Variants in TMC5 observed in about 807,000 individuals in gnomAD.
TMC5 encodes the protein transmembrane channel-like protein 5.
Under a neutral mutation model 110.5 loss-of-function variants are expected in TMC5, and 86 were observed. The observed-to-expected ratio is 0.78, with a 90% CI of 0.65 to 0.93. The LOEUF (loss-of-function observed/expected upper bound fraction) is 0.93, where lower values mean the gene tolerates loss of function less well. Among genes scored for constraint, TMC5 ranks in the 40% least tolerant of loss-of-function variants. The pLI is 0.00. For synonymous variants in TMC5, 455 were observed against 439.5 expected (o/e 1.04, Z -0.44); for missense variants, 1,144 against 1,222.8 (o/e 0.94, Z 0.96).
chr16:19,498,025 T>A lies in TMC5; in HGVS notation c.*59T>A. The A allele has an allele frequency of 1.3e-6, 2 of 1,515,048 alleles. No homozygotes were observed. The highest frequency in any genetic ancestry group is 9.2e-7 in the Non-Finnish European group (1 of 1,089,408). 93.9% of individuals were successfully genotyped at this position (1,515,048 alleles called of 1,614,324 possible). ...AGGGGAGGAGACGAAAATGGAATGA[T>A]TTCTTCCATGCCACCTGTGCCTTTA... On this transcript the variant is annotated 3_prime_UTR_variant, in exon 22 of 22. Coordinates refer to ENST00000542583, the MANE Select transcript of TMC5 (RefSeq NM_001261841.2).
chr16:19,448,609 A>T (rs949884010), intron 4 of TMC5, among the ~76,000 whole-genome samples: 24 of 149,504 alleles, frequency 1.6e-4, no homozygotes, highest in African/African-American at 5.6e-4. Flanking sequence ...ACAGAGTGAG[A>T]ACCTGTCTTA....
At chr16:19,462,911 AAAG>A (rs1968063550) in intron 6 of TMC5, among the ~76,000 whole-genome samples, 1 of 151,754 alleles carries the variant, frequency 6.6e-6, no homozygotes, top group Non-Finnish European at 1.5e-5. Context: ...AAAAAAAAAA[AAAG>A]AAAAAGGAAG....
At chr16:19,448,480 A>G (rs956152692) in intron 4 of TMC5, among the ~76,000 whole-genome samples, 3 of 151,794 alleles carry the variant, frequency 2.0e-5, no homozygotes, top group Non-Finnish European at 4.4e-5. Flanking sequence ...TTAGCCAGGC[A>G]TGGTGGTGCA....
At chr16:19,418,944 G>A (rs1376646345) in intron 1 of TMC5, among the ~76,000 whole-genome samples, 1 of 152,130 alleles carries the variant, frequency 6.6e-6, no homozygotes, top group Admixed American at 6.5e-5. Context: ...GCCTAGGATG[G>A]TCTCAAACTC....
chr16:19,482,469 T>C (rs956116895), intron 15 of TMC5, among the ~76,000 whole-genome samples: 9 of 152,190 alleles, frequency 5.9e-5, no homozygotes, highest in African/African-American at 2.2e-4. Flanking sequence ...CACCTAAATT[T>C]CTGGCTTCTC....
chr16:19,473,771 G>A (rs1298939572), intron 11 of TMC5, among the ~76,000 whole-genome samples: 2 of 152,098 alleles, frequency 1.3e-5, no homozygotes, highest in Non-Finnish European at 2.9e-5. Flanking sequence ...CCTGAGGTCG[G>A]GAGTTAGAGA....
At chr16:19,463,662 C>T in intron 7 of TMC5, 114 bp from the exon 8 acceptor site, 3 of 1,270,932 alleles carry the variant, frequency 2.4e-6, no homozygotes, top group Non-Finnish European at 2.2e-6. Context: ...TAGCATGGTG[C>T]CTGCACTTAA....
At chr16:19,448,185 G>A (rs1347843518) in intron 4 of TMC5, among the ~76,000 whole-genome samples, 2 of 136,198 alleles carry the variant, frequency 1.5e-5, no homozygotes, top group East Asian at 3.9e-4. Flanking sequence ...CTAGAGTAAG[G>A]CTATGTTAGA....
chr16:19,489,565 AC>A (rs1362065308), intron 17 of TMC5, among the ~76,000 whole-genome samples: 3 of 150,936 alleles, frequency 2.0e-5, no homozygotes, highest in Admixed American at 2.0e-4. Flanking sequence ...TGATCTCCTG[AC>A]CTTGTGATCC....
chr16:19,492,915 G>GAGAT (rs1555486833), intron 19 of TMC5, among the ~76,000 whole-genome samples: 10 of 42,772 alleles, frequency 2.3e-4, no homozygotes, highest in Non-Finnish European at 7.0e-4. Flanking sequence ...TTAAAACTTA[G>GAGAT]ATATATATAT....
intron 2 of TMC5, among the ~76,000 whole-genome samples, chr16:19,434,465 TAGATAG>T (rs1967294891): frequency 1.8e-5 from 1 of 56,824 alleles, no homozygotes; most frequent in African/African-American, 1.1e-4. Context: ...TCTATATCTA[TAGATAG>T]ATAGATAGAT....
At chr16:19,425,518 C>A (rs1367256618) in intron 1 of TMC5, among the ~76,000 whole-genome samples, 1 of 152,022 alleles carries the variant, frequency 6.6e-6, no homozygotes, top group Non-Finnish European at 1.5e-5. Flanking sequence ...TCTGAGATCA[C>A]CCCAGTTCTT....
intron 6 of TMC5, 93 bp downstream of exon 6, chr16:19,460,427 G>T: frequency 1.2e-6 from 1 of 866,116 alleles, no homozygotes. Context: ...AAATAAATAA[G>T]CACAATAGAA....
At position 19,466,045 on chromosome 16, in the gene TMC5, G is replaced by A. The variant is rs759577466; in HGVS notation, c.1486-37G>A. ...CATAATCGTTTACCTTTTTTTTCAG[G>A]AGATCCACCTGACCTATGGTTTATT... On this transcript the variant is annotated intron_variant, in intron 8 of 21. Coordinates refer to ENST00000542583, the MANE Select transcript of TMC5 (RefSeq NM_001261841.2). The A allele has an allele frequency of 2.5e-6, 4 of 1,595,626 alleles. No homozygotes were observed. The Admixed American group carries it at 5.4e-5, about 21-fold the overall frequency.
intron 5 of TMC5, among the ~76,000 whole-genome samples, chr16:19,457,919 T>C (rs913866153): frequency 1.3e-5 from 2 of 151,782 alleles, no homozygotes; most frequent in Non-Finnish European, 2.9e-5. Context: ...AGATGGGGTT[T>C]TACCATGTTG....
rs1370498297 is a variant in TMC5, at chr16:19,478,671, C to T, written c.2170-760C>T. On this transcript the variant is annotated intron_variant, in intron 13 of 21. Transcript: ENST00000542583. Reference sequence around the variant, plus strand: ...CCATCCATTTATCTAACCATCCATCCATTTATTCATCCACGTATTCATTCA... The same window carrying T: ...CCATCCATTTATCTAACCATCCATCTATTTATTCATCCACGTATTCATTCA... 4.6e-5 allele frequency among the ~76,000 whole-genome samples: 7 copies of T among 152,084 alleles called. No homozygotes were observed. In the East Asian group the frequency reaches 1.2e-3, roughly 25 times the overall value.
chr16:19,435,064 T>A (rs908885572), intron 2 of TMC5, among the ~76,000 whole-genome samples: 1 of 152,208 alleles, frequency 6.6e-6, no homozygotes, highest in Non-Finnish European at 1.5e-5. Flanking sequence ...CCGATTTTCT[T>A]TGATTTATGT....
At position 19,497,969 on chromosome 16, in the gene TMC5, A is replaced by G. The variant is rs370264694; in HGVS notation, c.*3A>G. 23 of 1,613,544 alleles carry G rather than the reference A, an allele frequency of 1.4e-5. No individual in the cohort carries two copies. ...AAGAAGGTAATCCAAGGGCCTGATG[A>G]CTCTTTTGGTAACCAGACACCAATC... On this transcript the variant is annotated 3_prime_UTR_variant, in exon 22 of 22. Coordinates refer to ENST00000542583, the MANE Select transcript of TMC5 (RefSeq NM_001261841.2).
intron 7 of TMC5, 32 bp from the exon 8 acceptor site, chr16:19,463,744 C>T (rs201277742): frequency 1.2e-6 from 2 of 1,604,976 alleles, no homozygotes; most frequent in Admixed American, 1.7e-5. Flanking sequence ...GAGTCAACAG[C>T]AAGCCACACC....
Sources: allele counts gnomAD v4.1 joint callset (sites outside exome capture counted in the v4.1 genomes callset), GRCh38; gene constraint gnomAD v4.1.1; transcripts MANE v1.5; gene names NCBI Gene and HGNC (gene_info 2026-07-23, HGNC 2026-07-21).